The following MINDY4 variants were observed in gnomAD, a reference collection of about 807,000 sequenced individuals.
MINDY4 encodes probable ubiquitin carboxyl-terminal hydrolase MINDY-4.
Under a neutral mutation model 87.0 loss-of-function variants are expected in MINDY4, and 68 were observed. The ratio of observed to expected loss-of-function variants is 0.78; its 90% CI spans 0.64 to 0.96. The LOEUF is 0.96. Among genes scored for constraint, MINDY4 ranks in the 40% least tolerant of loss-of-function variants. MINDY4 has a pLI of 0.00. For synonymous variants in MINDY4, 379 were observed against 363.2 expected (o/e 1.04, Z -0.50); for missense variants, 919 against 928.2 (o/e 0.99, Z 0.13).
chr7:30,879,974 C>T (rs1367165651), intron 15 of MINDY4, among the ~76,000 whole-genome samples: 29 of 152,200 alleles, frequency 1.9e-4, no homozygotes, highest in Admixed American at 1.9e-3. Context: ...ATCCTGGATT[C>T]ACTGAAGTGC....
chr7:30,822,488 A>T (rs2128561114), intron 5 of MINDY4, among the ~76,000 whole-genome samples: 1 of 152,200 alleles, frequency 6.6e-6, no homozygotes, highest in East Asian at 1.9e-4. Flanking sequence ...TTTCATATTG[A>T]TTCAATAACA....
intron 15 of MINDY4, among the ~76,000 whole-genome samples, chr7:30,880,223 T>C (rs1013389834): frequency 2.0e-5 from 3 of 151,580 alleles, no homozygotes; most frequent in Non-Finnish European, 4.4e-5. Context: ...GAAGATTAAG[T>C]AATCCCTAAT....
At chr7:30,861,727 G>A (rs902238142) in intron 13 of MINDY4, among the ~76,000 whole-genome samples, 4 of 152,250 alleles carry the variant, frequency 2.6e-5, no homozygotes, top group East Asian at 1.9e-4. Context: ...TGGTCCAACC[G>A]TATCCCAGGA....
intron 2 of MINDY4, chr7:30,780,112 G>C (rs1786961916): frequency 6.6e-6 from 1 of 152,194 alleles, no homozygotes. Flanking sequence ...TCAAATAGAA[G>C]GCCTTTGTCC....
chr7:30,794,863 C>T (rs1243947192), intron 5 of MINDY4, among the ~76,000 whole-genome samples: 1 of 152,162 alleles, frequency 6.6e-6, no homozygotes, highest in Non-Finnish European at 1.5e-5. Context: ...CTCCCTCTCG[C>T]TAGAGTGCTG....
intron 13 of MINDY4, among the ~76,000 whole-genome samples, chr7:30,861,260 A>G (rs867210625): frequency 6.6e-6 from 1 of 152,162 alleles, no homozygotes; most frequent in African/African-American, 2.4e-5. Context: ...TCCTAAGACG[A>G]CAGTGTGTAG....
At chr7:30,883,395 A>G (rs1036457894) in intron 17 of MINDY4, among the ~76,000 whole-genome samples, 5 of 152,066 alleles carry the variant, frequency 3.3e-5, no homozygotes, top group Non-Finnish European at 7.4e-5. Flanking sequence ...GGCCTGGCCC[A>G]GCCTGGGGGT....
intron 13 of MINDY4, among the ~76,000 whole-genome samples, chr7:30,869,446 T>C (rs1175306745): frequency 1.3e-5 from 2 of 152,190 alleles, no homozygotes; most frequent in Non-Finnish European, 2.9e-5. Context: ...TTTCTAGGGC[T>C]GCCATAATGA....
chr7:30,808,501 T>A (rs1787885784), intron 5 of MINDY4, among the ~76,000 whole-genome samples: 1 of 152,168 alleles, frequency 6.6e-6, no homozygotes, highest in Admixed American at 6.5e-5. Context: ...GTGTTGTGCA[T>A]GTGGTGTGAG....
At chr7:30,821,680 G>A (rs1047661012) in intron 5 of MINDY4, among the ~76,000 whole-genome samples, 1 of 151,846 alleles carries the variant, frequency 6.6e-6, no homozygotes, top group African/African-American at 2.4e-5. Flanking sequence ...TTTCATTCTG[G>A]AGCTTCTTTT....
chr7:30,837,978 A>G (rs1296007688), intron 7 of MINDY4, among the ~76,000 whole-genome samples: 1 of 152,230 alleles, frequency 6.6e-6, no homozygotes, highest in African/African-American at 2.4e-5. Flanking sequence ...GAAAAGGAAA[A>G]AAAGAGCTGA....
intron 5 of MINDY4, among the ~76,000 whole-genome samples, chr7:30,801,010 G>A (rs774697131): frequency 2.0e-5 from 3 of 152,204 alleles, no homozygotes; most frequent in Non-Finnish European, 4.4e-5. Context: ...AAGCAGTCCA[G>A]GGGGAGAGAG....
chr7:30,853,493 G>A lies in MINDY4; in HGVS notation c.1677+34G>A, dbSNP rs114429439. The A allele has an allele frequency of 1.3e-3, 1,968 of 1,532,496 alleles. 18 individuals are homozygous for A. In the African/African-American group the frequency reaches 0.023, roughly 18 times the overall value. 94.9% of individuals were successfully genotyped at this position (1,532,496 alleles called of 1,614,324 possible). ...CATGCCTTACTCCTGTGGGATGTGC[G>A]TCACTAAGCCTTCTGATTTCACTGT... On this transcript the variant is annotated intron_variant, in intron 12 of 17. Transcript: ENST00000265299.
intron 17 of MINDY4, among the ~76,000 whole-genome samples, chr7:30,888,265 G>A (rs550381485): frequency 1.2e-4 from 18 of 152,300 alleles, no homozygotes; most frequent in African/African-American, 4.3e-4. Context: ...TTTACGGAGC[G>A]AGTGGTCTCA....
At chr7:30,781,705 C>T (rs892044919) in intron 2 of MINDY4, 12 of 415,628 alleles carry the variant, frequency 2.9e-5, no homozygotes, top group Non-Finnish European at 4.3e-5. Flanking sequence ...GCCTCTATTC[C>T]TATCACATTT....
chr7:30,786,094 C>T lies in MINDY4; in HGVS notation c.663+102C>T, dbSNP rs940776414. ...ATTTGGGGTACCCCACAGGGCAGTCCGAGAAGAGGGTCTGTGTGTGGGGTG... is the reference window on the plus strand; with the variant it reads ...ATTTGGGGTACCCCACAGGGCAGTCTGAGAAGAGGGTCTGTGTGTGGGGTG... On this transcript the variant is annotated intron_variant, in intron 4 of 17. Coordinates refer to ENST00000265299, the MANE Select transcript of MINDY4 (RefSeq NM_032222.3). 3.5e-5 allele frequency: 52 copies of T among 1,473,338 alleles called. No individual in the cohort carries two copies. In the East Asian group the frequency reaches 3.9e-4, roughly 11 times the overall value. The allele number at this position is 1,473,338 out of a possible 1,614,324, so 91.3% of individuals were successfully genotyped here. A position where few individuals can be genotyped will look rare whatever the true frequency, so the allele number is the denominator to read the frequency against.
intron 5 of MINDY4, among the ~76,000 whole-genome samples, chr7:30,816,882 GA>G (rs1788166138): frequency 6.6e-6 from 1 of 152,102 alleles, no homozygotes; most frequent in Non-Finnish European, 1.5e-5. Flanking sequence ...AAGACAGAGA[GA>G]AAAAAATATT....
chr7:30,785,699 C>G, intron 3 of MINDY4, 50 bp from the exon 4 acceptor site: 1 of 1,603,268 alleles, frequency 6.2e-7, no homozygotes, highest in South Asian at 1.1e-5. Flanking sequence ...ATCTTTGTTA[C>G]TGATTCCTTT....
chr7:30,844,296 A>G (rs1182764468), intron 9 of MINDY4, among the ~76,000 whole-genome samples: 1 of 152,152 alleles, frequency 6.6e-6, no homozygotes, highest in African/African-American at 2.4e-5. Context: ...AAAAAGCCTC[A>G]GGGGACTCAG....
Sources: allele counts gnomAD v4.1 joint callset (sites outside exome capture counted in the v4.1 genomes callset), GRCh38; gene constraint gnomAD v4.1.1; transcripts MANE v1.5; gene names NCBI Gene and HGNC (gene_info 2026-07-23, HGNC 2026-07-21).